UMAD1: variants seen among roughly 807,000 people sequenced by gnomAD.
UMAD1 encodes the protein UBAP1-MVB12-associated (UMA) domain containing 1.
A neutral mutation model predicts 6.1 loss-of-function variants in UMAD1; 8 were observed. The observed-to-expected ratio is 1.30, with a 90% CI of 0.76 to 2.35. UMAD1 has a LOEUF of 2.35. UMAD1 is among the 30% of genes most tolerant of loss of function. The probability of loss-of-function intolerance (pLI) is 0.00; values close to 1 mark genes in which losing one functional copy is unlikely to be tolerated. For missense variants in UMAD1, 130 were observed against 78.4 expected (o/e 1.66, Z -2.49); for synonymous variants, 56 against 31.4 (o/e 1.78, Z -2.61).
chr7:7,749,997 A>G (rs558105687), intron 2 of UMAD1, among the ~76,000 whole-genome samples: 129 of 152,316 alleles, frequency 8.5e-4, no homozygotes, highest in African/African-American at 2.9e-3. Context: ...CATCTTAACA[A>G]AAGTGAATAG....
Position 7,877,698 on chromosome 7 carries a change from G to A in UMAD1, c.*160G>A, listed in dbSNP as rs920283045. ...TCACTACTCTATTTTTAAGAAAAAG[G>A]TACATTTGTATACAAATTGAACTTA... On this transcript the variant is annotated 3_prime_UTR_variant, in exon 4 of 4. Coordinates refer to ENST00000682710, the MANE Select transcript of UMAD1 (RefSeq NM_001302348.2). The A allele has an allele frequency of 4.8e-5, 28 of 584,422 alleles. No individual in the cohort carries two copies. The highest frequency in any genetic ancestry group is 6.3e-4 in the Middle Eastern group (2 of 3,158). 36.2% of individuals were successfully genotyped at this position (584,422 alleles called of 1,614,324 possible). A position where few individuals can be genotyped will look rare whatever the true frequency, so the allele number is the denominator to read the frequency against.
At chr7:7,795,602 G>A (rs1206725139) in intron 2 of UMAD1, among the ~76,000 whole-genome samples, 1 of 152,194 alleles carries the variant, frequency 6.6e-6, no homozygotes, top group African/African-American at 2.4e-5. Context: ...TATTTTTATG[G>A]TTATTTATTG....
chr7:7,864,169 A>G (rs778727595), intron 3 of UMAD1, among the ~76,000 whole-genome samples: 2 of 152,168 alleles, frequency 1.3e-5, no homozygotes, highest in South Asian at 2.1e-4. Flanking sequence ...CTTTAAGCAA[A>G]ACAACATATA....
intron 2 of UMAD1, among the ~76,000 whole-genome samples, chr7:7,757,437 G>GT (rs1186297712): frequency 3.3e-5 from 5 of 151,976 alleles, no homozygotes; most frequent in Non-Finnish European, 5.9e-5. Flanking sequence ...TAGTACAGGT[G>GT]TTTTTTTTAA....
At chr7:7,670,346 G>T (rs575929170) in intron 1 of UMAD1, among the ~76,000 whole-genome samples, 1 of 152,152 alleles carries the variant, frequency 6.6e-6, no homozygotes, top group East Asian at 1.9e-4. Context: ...CTTCGTAAAG[G>T]GTCTCTCTAT....
chr7:7,786,906 G>C (rs1782471762), intron 2 of UMAD1, among the ~76,000 whole-genome samples: 1 of 152,218 alleles, frequency 6.6e-6, no homozygotes, highest in Non-Finnish European at 1.5e-5. Context: ...AAGTTGATTT[G>C]AGTGAAGCCG....
chr7:7,850,851 A>G (rs968041866), intron 3 of UMAD1, among the ~76,000 whole-genome samples: 2 of 152,180 alleles, frequency 1.3e-5, no homozygotes, highest in African/African-American at 4.8e-5. Flanking sequence ...TAAGCACCTT[A>G]TAAGTAGAAT....
At chr7:7,662,358 G>T (rs537412835) in intron 1 of UMAD1, among the ~76,000 whole-genome samples, 1 of 152,206 alleles carries the variant, frequency 6.6e-6, no homozygotes, top group Non-Finnish European at 1.5e-5. Context: ...AGTGGGGTAT[G>T]AAAAAAGAAA....
intron 2 of UMAD1, among the ~76,000 whole-genome samples, chr7:7,690,334 C>G (rs897809196): frequency 6.6e-6 from 1 of 151,666 alleles, no homozygotes; most frequent in East Asian, 1.9e-4. Context: ...TATATGTTTC[C>G]TTTTACCATC....
At chr7:7,673,496 C>G (rs1355701045) in intron 2 of UMAD1, 43 bp downstream of exon 2, 1 of 694,130 alleles carries the variant, frequency 1.4e-6, no homozygotes, top group Admixed American at 2.3e-5. Flanking sequence ...GAATTATGTT[C>G]TCTTTAAAAA....
intron 1 of UMAD1, among the ~76,000 whole-genome samples, chr7:7,657,654 C>G (rs1785375026): frequency 6.6e-6 from 1 of 152,076 alleles, no homozygotes; most frequent in South Asian, 2.1e-4. Context: ...GGGCTCTGTT[C>G]TGTTCCATTG....
At chr7:7,758,883 A>G (rs1488274006) in intron 2 of UMAD1, among the ~76,000 whole-genome samples, 1 of 152,178 alleles carries the variant, frequency 6.6e-6, no homozygotes, top group Non-Finnish European at 1.5e-5. Flanking sequence ...CAATACTGCC[A>G]CACAAGTTTT....
intron 2 of UMAD1, among the ~76,000 whole-genome samples, chr7:7,705,106 A>G (rs1334622708): frequency 6.6e-6 from 1 of 152,138 alleles, no homozygotes; most frequent in African/African-American, 2.4e-5. Flanking sequence ...TCCTGTTCTG[A>G]CATGTTGTAA....
At chr7:7,716,706 G>A (rs1388299531) in intron 2 of UMAD1, among the ~76,000 whole-genome samples, 3 of 152,242 alleles carry the variant, frequency 2.0e-5, no homozygotes, top group Non-Finnish European at 2.9e-5. Context: ...AGCACTTTGG[G>A]AGGCCGAGGC....
chr7:7,700,888 T>TA (rs368562172), intron 2 of UMAD1, among the ~76,000 whole-genome samples: 111 of 148,468 alleles, frequency 7.5e-4, no homozygotes, highest in African/African-American at 2.4e-3. Flanking sequence ...GACTCCATCT[T>TA]AAAAAAAAAC....
intron 1 of UMAD1, among the ~76,000 whole-genome samples, chr7:7,656,872 T>A (rs986849257): frequency 2.6e-5 from 4 of 152,230 alleles, no homozygotes; most frequent in African/African-American, 9.7e-5. Context: ...TGTTTCTAGA[T>A]CCTTGAGGAA....
chr7:7,801,650 A>T lies in UMAD1; in HGVS notation c.83-20A>T. The T allele has an allele frequency of 1.4e-6, 1 of 714,058 alleles. No individual in the cohort carries two copies. 44.2% of individuals were successfully genotyped at this position (714,058 alleles called of 1,614,324 possible). On this transcript the variant is annotated intron_variant, in intron 2 of 3. Transcript: ENST00000682710. ...TAATATGGTCAAGTTTTAAAAATAG[A>T]CATATATTTTACTTCATAGGAGATA...
rs1337496737 is a variant in UMAD1 at position 7,796,281 on chromosome 7, C to T, written c.83-5389C>T. 1.3e-3 allele frequency among the ~76,000 whole-genome samples: 93 copies of T among 72,578 alleles called. No individual in the cohort carries two copies. The South Asian group carries it at 0.013, about 11-fold the overall frequency. 47.6% of individuals were successfully genotyped at this position (72,578 alleles called of 152,430 possible). A position where few individuals can be genotyped will look rare whatever the true frequency, so the allele number is the denominator to read the frequency against. ...TTTTTTTTTTTTTGAGATGGAGTTTCGCTCTTCTTGCCCAGGCTGGAGTGC... is the reference window on the plus strand; with the variant it reads ...TTTTTTTTTTTTTGAGATGGAGTTTTGCTCTTCTTGCCCAGGCTGGAGTGC... On this transcript the variant is annotated intron_variant, in intron 2 of 3. Transcript: ENST00000682710.
chr7:7,747,207 A>G (rs1177536804), intron 2 of UMAD1, among the ~76,000 whole-genome samples: 2 of 152,306 alleles, frequency 1.3e-5, no homozygotes, highest in Admixed American at 6.5e-5. Flanking sequence ...TGGAGTTGCT[A>G]CAGGAGAACA....
Sources: allele counts gnomAD v4.1 joint callset (sites outside exome capture counted in the v4.1 genomes callset), GRCh38; gene constraint gnomAD v4.1.1; transcripts MANE v1.5; gene names NCBI Gene and HGNC (gene_info 2026-07-23, HGNC 2026-07-21).